TAF1D: variants seen among roughly 807,000 people sequenced by gnomAD.
TAF1D encodes TATA-box binding protein associated factor, RNA polymerase I subunit D, also known as TATA box-binding protein-associated factor RNA polymerase I subunit D.
Under a neutral mutation model 26.2 loss-of-function variants are expected in TAF1D, and 23 were observed. The observed-to-expected ratio is 0.88, with a 90% CI of 0.63 to 1.25. TAF1D has a LOEUF of 1.25. Ranked by LOEUF, TAF1D falls within the 50% of genes most tolerant of loss-of-function variation. The pLI is 0.00. For missense variants in TAF1D, 299 were observed against 322.0 expected (o/e 0.93, Z 0.55); for synonymous variants, 100 against 105.6 (o/e 0.95, Z 0.33).
chr11:93,732,923 G>A (rs144151227), downstream of TAF1D: 341 of 269,542 alleles, frequency 1.3e-3, 3 homozygotes, highest in Middle Eastern at 7.0e-3. Context: ...GGTAGGTATA[G>A]ACATGCAGTC....
intron 2 of TAF1D, chr11:93,739,004 G>T (rs1429488307): frequency 2.3e-5 from 12 of 530,004 alleles, no homozygotes; most frequent in Non-Finnish European, 4.0e-5. Flanking sequence ...ATGCTAATAT[G>T]ACCCAAAGAA....
chr11:93,730,538 G>T, exon 12 of TAF1D: 1 of 665,110 alleles, frequency 1.5e-6, no homozygotes, highest in Middle Eastern at 3.6e-4. Flanking sequence ...GGAAAACATA[G>T]CACCAAACAT....
Position 93,738,209 on chromosome 11 carries a change from A to G in TAF1D, c.359T>C (p.Ile120Thr). ...EGRRNPIYSL[I>T]DKKKQFRSRG... ...GCTTCTAAATTGTTTCTTCTTATCT[A>G]TTAGTGAGTATATAGGATTTCTCCT... The change falls in exon 3 of 6, where the codon ATA (isoleucine) becomes ACA (threonine). Residue 120 changes from isoleucine (I) to threonine (T), a missense_variant. Physicochemically the swap from Ile to Thr is moderately conservative, Grantham distance 89 (BLOSUM62 -1). Coordinates refer to ENST00000448108, the MANE Select transcript of TAF1D (RefSeq NM_024116.4). 2 of 1,608,960 alleles carry G rather than the reference A, an allele frequency of 1.2e-6. No homozygotes were observed. The highest frequency in any genetic ancestry group is 1.7e-6 in the Non-Finnish European group (2 of 1,178,942).
Position 93,735,669 on chromosome 11 carries a change from A to T in TAF1D, c.*492T>A. Reference sequence around the variant, plus strand: ...GGGTGACAGATCGAGACTCTGTCTAAAAAAAATAGTATTAAAGATACTCTA... The same window carrying T: ...GGGTGACAGATCGAGACTCTGTCTATAAAAAATAGTATTAAAGATACTCTA... On this transcript the variant is annotated 3_prime_UTR_variant, in exon 6 of 6. Transcript: ENST00000448108. The T allele has an allele frequency of 1.0e-6, 1 of 999,422 alleles. No individual in the cohort carries two copies. Among genetic ancestry groups the T allele is most frequent in the Non-Finnish European group, 1.2e-6 (1 of 838,082 alleles). The allele number at this position is 999,422 out of a possible 1,614,324, so 61.9% of individuals were successfully genotyped here.
chr11:93,734,597 T>C (rs1343157508), downstream of TAF1D: 1 of 563,562 alleles, frequency 1.8e-6, no homozygotes, highest in Non-Finnish European at 3.1e-6. Context: ...TAAACAAATA[T>C]GATGTGAAAA....
At chr11:93,732,283 T>G (rs1157212264), downstream of TAF1D, 1 of 494,194 alleles carries the variant, frequency 2.0e-6, no homozygotes, top group African/African-American at 2.0e-5. Context: ...TGGTTCTCAA[T>G]TTGACACCCT....
rs756958140 is a variant in TAF1D at position 93,739,246 on chromosome 11, G to C, written c.59C>G (p.Ala20Gly). The C allele has an allele frequency of 2.5e-6, 4 of 1,611,800 alleles. No homozygotes were observed. The highest frequency in any genetic ancestry group is 3.4e-6 in the Non-Finnish European group (4 of 1,178,938). ...DHVTSDAVELANRSDNSSDSS... is the reference protein window; with the variant it reads ...DHVTSDAVELGNRSDNSSDSS... ...GATTGAATCCACTCACCTTCGATTT[G>C]CAAGTTCCACAGCATCAGATGTCAC... The change falls in exon 2 of 6, where the codon GCA becomes GGA. Residue 20 changes from alanine to glycine, a missense_variant. Transcript: ENST00000448108.
exon 12 of TAF1D, chr11:93,730,270 C>T: frequency 6.5e-7 from 1 of 1,544,102 alleles, no homozygotes. Context: ...TACATGCTGA[C>T]TTTCTAGAAA....
In TAF1D at chr11:93,736,190, T is replaced by C; in HGVS notation, c.808A>G (p.Asn270Asp). 1 of 1,613,716 alleles carries C rather than the reference T, an allele frequency of 6.2e-7. No homozygotes were observed. Among genetic ancestry groups the C allele is most frequent in the Non-Finnish European group, 8.5e-7 (1 of 1,179,818 alleles). Residue 270 changes from asparagine to aspartate, a missense_variant, in exon 6 of 6, where the codon AAT becomes GAT. Transcript: ENST00000448108. ...ATTTTCAGGCCTCTCTGTCCAGTAT[T>C]TTTGGCTTTTGTAGCTCTCTTTTTA... ...LSKKRATKAK[N>D]TGQRGLKM is the part of the protein sequence containing the mutation.
intron 2 of TAF1D, among the ~76,000 whole-genome samples, chr11:93,738,760 A>G (rs114015616): frequency 0.019 from 2,893 of 152,230 alleles, 96 homozygotes; most frequent in African/African-American, 0.067. Context: ...CAGTGGTGCA[A>G]TCACAGCTCA....
At chr11:93,737,022 T>A (rs781723743) in intron 4 of TAF1D, 42 bp downstream of exon 4, 2 of 1,477,848 alleles carry the variant, frequency 1.4e-6, no homozygotes, top group Non-Finnish European at 1.8e-6. Flanking sequence ...AGAAATTTAA[T>A]TTATAACCTA....
At chr11:93,738,899 T>C in intron 2 of TAF1D, 1 of 331,474 alleles carries the variant, frequency 3.0e-6, no homozygotes, top group East Asian at 6.2e-5. Context: ...AGACAATGTA[T>C]GAGCTCCAAA....
chr11:93,740,433 GAAAAAAAAAAAAAAA>G (rs59420824), intron 1 of TAF1D, among the ~76,000 whole-genome samples: 587 of 48,460 alleles, frequency 0.012, 10 homozygotes, highest in African/African-American at 0.039. Context: ...CCTGTCTCAG[GAAAAAAAAAAAAAAA>G]AAAAAAAAAA....
At chr11:93,735,093 A>G, downstream of TAF1D, 1 of 1,323,390 alleles carries the variant, frequency 7.6e-7, no homozygotes, top group Non-Finnish European at 1.0e-6. Context: ...CCCATCAATC[A>G]ACTGTCTCAG....
At chr11:93,731,412 T>C (rs931010763), downstream of TAF1D, 125 of 483,396 alleles carry the variant, frequency 2.6e-4, 2 homozygotes, top group Admixed American at 2.7e-3. Flanking sequence ...CCCATTCATA[T>C]CCGAATTTGC....
chr11:93,734,852 T>C (rs891184184), downstream of TAF1D: 1 of 929,454 alleles, frequency 1.1e-6, no homozygotes, highest in Non-Finnish European at 1.4e-6. Context: ...CAAAGCTCAG[T>C]GCAGCCTCCA....
rs184294400 is a variant in TAF1D, at chr11:93,740,422, C to A, written c.-28+900G>T. ...CTCCAGCCTGGACGACAGAGCAAGA[C>A]CCTGTCTCAGGAAAAAAAAAAAAAA... is the stretch of plus-strand genomic sequence containing the variant. On this transcript the variant is annotated intron_variant, in intron 1 of 5. Transcript: ENST00000448108. 6.8e-3 allele frequency among the ~76,000 whole-genome samples: 741 copies of A among 108,998 alleles called. 2 individuals carry two copies. The highest frequency in any genetic ancestry group is 0.015 in the Admixed American group (104 of 6,740). 71.5% of individuals were successfully genotyped at this position (108,998 alleles called of 152,430 possible).
chr11:93,732,494 A>G, downstream of TAF1D: 1 of 517,436 alleles, frequency 1.9e-6, no homozygotes, highest in Non-Finnish European at 3.9e-6. Context: ...GATACCATGC[A>G]GTGCAATTAT....
chr11:93,731,977 CCTA>C (rs1939091673), downstream of TAF1D: 1 of 501,204 alleles, frequency 2.0e-6, no homozygotes, highest in African/African-American at 2.0e-5. Flanking sequence ...ACATTTTTCT[CCTA>C]CATTTTTACT....
Sources: allele counts gnomAD v4.1 joint callset (sites outside exome capture counted in the v4.1 genomes callset), GRCh38; gene constraint gnomAD v4.1.1; transcripts MANE v1.5; gene names NCBI Gene and HGNC (gene_info 2026-07-23, HGNC 2026-07-21).